AKT3: variants seen among roughly 807,000 people sequenced by gnomAD.
AKT3 encodes the protein RAC-gamma serine/threonine-protein kinase.
A neutral mutation model predicts 65.3 loss-of-function variants in AKT3; 15 were observed. That is an observed-to-expected ratio of 0.23 (90% CI 0.15 to 0.35). AKT3 has a LOEUF of 0.35. AKT3 is among the 10% of genes least tolerant of loss of function. The pLI is 1.00. For synonymous variants in AKT3, 206 were observed against 183.8 expected (o/e 1.12, Z -0.98); for missense variants, 243 against 576.5 (o/e 0.42, Z 5.92).
intron 12 of AKT3, among the ~76,000 whole-genome samples, chr1:243,515,820 C>A (rs1670315745): frequency 6.6e-6 from 1 of 152,090 alleles, no homozygotes; most frequent in Non-Finnish European, 1.5e-5. Context: ...AAACCCCCGT[C>A]TCTACTAAAA....
intron 2 of AKT3, among the ~76,000 whole-genome samples, chr1:243,704,565 G>C (rs1302891912): frequency 2.0e-5 from 3 of 152,132 alleles, no homozygotes; most frequent in Non-Finnish European, 4.4e-5. Flanking sequence ...TGTGGATTCA[G>C]AAAAAGGTAG....
chr1:243,558,449 G>A (rs1673556981), intron 10 of AKT3, among the ~76,000 whole-genome samples: 1 of 151,872 alleles, frequency 6.6e-6, no homozygotes. Flanking sequence ...AAAAAATCAG[G>A]AAAATTTTGG....
At chr1:243,520,056 T>C (rs1306127738) in intron 12 of AKT3, among the ~76,000 whole-genome samples, 1 of 152,234 alleles carries the variant, frequency 6.6e-6, no homozygotes, top group Non-Finnish European at 1.5e-5. Context: ...TCAAATATTG[T>C]ATTATTATAG....
rs181515777 is a variant in AKT3, at chr1:243,726,018, G to A, written c.47-30302C>T. ...TTCTCATAAAGGCCTAGTGCAGGCA[G>A]CTCTGGAATTTCATGCCTCCAACAT... On this transcript the variant is annotated intron_variant, in intron 2 of 13. Coordinates refer to ENST00000673466, the MANE Select transcript of AKT3 (RefSeq NM_005465.7). Among the ~76,000 whole-genome samples the A allele has an allele frequency of 7.2e-5, 11 of 152,018 alleles. No homozygotes were observed. In the East Asian group the frequency reaches 2.1e-3, roughly 29 times the overall value.
At chr1:243,835,503 A>C (rs755019419) in intron 2 of AKT3, among the ~76,000 whole-genome samples, 4 of 152,204 alleles carry the variant, frequency 2.6e-5, no homozygotes, top group Non-Finnish European at 5.9e-5. Context: ...CTAAAAAAGC[A>C]ATGCAAGCTA....
chr1:243,648,797 T>C (rs913023670), intron 4 of AKT3, among the ~76,000 whole-genome samples: 4 of 152,130 alleles, frequency 2.6e-5, no homozygotes, highest in African/African-American at 9.6e-5. Flanking sequence ...GTAATTTGTG[T>C]CTTCCCTCTT....
At chr1:243,565,703 G>C (rs570710393) in intron 9 of AKT3, among the ~76,000 whole-genome samples, 3 of 152,176 alleles carry the variant, frequency 2.0e-5, no homozygotes, top group South Asian at 4.2e-4. Flanking sequence ...GCCTTGGTCT[G>C]TCTCTTCTCA....
chr1:243,685,947 C>G (rs1469095007), intron 3 of AKT3, among the ~76,000 whole-genome samples: 1 of 152,158 alleles, frequency 6.6e-6, no homozygotes, highest in African/African-American at 2.4e-5. Flanking sequence ...CACAAGCATT[C>G]CTATACAACA....
At chr1:243,824,206 A>G (rs1447560478) in intron 2 of AKT3, among the ~76,000 whole-genome samples, 1 of 152,250 alleles carries the variant, frequency 6.6e-6, no homozygotes, top group Non-Finnish European at 1.5e-5. Context: ...GGCTAGCCAT[A>G]TGCAGAAAAT....
rs75650207 is a variant in AKT3, at chr1:243,603,632, G to T, written c.696+10039C>A. Among the ~76,000 whole-genome samples, 1,201 of 152,192 alleles carry T rather than the reference G, an allele frequency of 7.9e-3. 16 individuals carry two copies. The highest frequency in any genetic ancestry group is 0.027 in the African/African-American group (1,128 of 41,514). On this transcript the variant is annotated intron_variant, in intron 8 of 13. Coordinates refer to ENST00000673466, the MANE Select transcript of AKT3 (RefSeq NM_005465.7). The stretch of plus-strand genomic sequence containing the variant: ...CCTGGGTTTTAACACTGCTCATGAT[G>T]CCTATTTGTATCTCTGATTTAACTC...
chr1:243,832,918 C>CA (rs774195129), intron 2 of AKT3, among the ~76,000 whole-genome samples: 2 of 151,972 alleles, frequency 1.3e-5, no homozygotes, highest in Non-Finnish European at 2.9e-5. Flanking sequence ...TGTTATGGAC[C>CA]AAAACATCAT....
chr1:243,587,979 G>A (rs1675927925), intron 8 of AKT3, among the ~76,000 whole-genome samples: 1 of 152,146 alleles, frequency 6.6e-6, no homozygotes, highest in African/African-American at 2.4e-5. Context: ...AAGAGGAAGT[G>A]CATGACGATG....
intron 3 of AKT3, among the ~76,000 whole-genome samples, chr1:243,685,010 T>C (rs1684185922): frequency 6.6e-6 from 1 of 152,218 alleles, no homozygotes; most frequent in Non-Finnish European, 1.5e-5. Flanking sequence ...GGTACTTTTT[T>C]CCTGTAGATT....
intron 12 of AKT3, among the ~76,000 whole-genome samples, chr1:243,543,301 C>T (rs756963499): frequency 1.3e-5 from 2 of 152,166 alleles, no homozygotes; most frequent in Non-Finnish European, 2.9e-5. Context: ...AACTCTTATT[C>T]AACATGAATA....
At chr1:243,671,525 G>A (rs1337010479) in intron 3 of AKT3, among the ~76,000 whole-genome samples, 2 of 152,078 alleles carry the variant, frequency 1.3e-5, no homozygotes, top group African/African-American at 4.8e-5. Context: ...TCTATCTTTT[G>A]TTTAATGTTT....
chr1:243,806,740 TTTAAA>T (rs1431517490), intron 2 of AKT3, among the ~76,000 whole-genome samples: 1 of 152,146 alleles, frequency 6.6e-6, no homozygotes, highest in East Asian at 1.9e-4. Context: ...AACTTATTGT[TTTAAA>T]TTAAATCAGT....
In AKT3 at chr1:243,619,501, C is replaced by T. The variant is rs1678585159; in HGVS notation, c.562-4340G>A. On this transcript the variant is annotated intron_variant, in intron 6 of 13. Coordinates refer to ENST00000673466, the MANE Select transcript of AKT3 (RefSeq NM_005465.7). ...CTATTAATCAACTCCATCTCCCCATCCCCCTACCATTCCCAGCCTCTAGGA... is the reference window on the plus strand; with the variant it reads ...CTATTAATCAACTCCATCTCCCCATTCCCCTACCATTCCCAGCCTCTAGGA... Among the ~76,000 whole-genome samples, 2 of 41,240 alleles carry T rather than the reference C, an allele frequency of 4.8e-5. 1 individual carries two copies. The highest frequency in any genetic ancestry group is 2.8e-4 in the Non-Finnish European group (2 of 7,242). The allele number at this position is 41,240 out of a possible 152,430, so 27.1% of individuals were successfully genotyped here.
At chr1:243,782,801 C>T (rs544950640) in intron 2 of AKT3, among the ~76,000 whole-genome samples, 3 of 152,252 alleles carry the variant, frequency 2.0e-5, no homozygotes, top group African/African-American at 7.2e-5. Context: ...CACATACACA[C>T]CCCATTCTGG....
intron 4 of AKT3, among the ~76,000 whole-genome samples, chr1:243,649,773 A>G (rs966982365): frequency 5.9e-5 from 9 of 152,246 alleles, no homozygotes; most frequent in South Asian, 2.1e-4. Flanking sequence ...ATAGTATTCC[A>G]TGGTGTATAT....
Sources: allele counts gnomAD v4.1 joint callset (sites outside exome capture counted in the v4.1 genomes callset), GRCh38; gene constraint gnomAD v4.1.1; transcripts MANE v1.5; gene names NCBI Gene and HGNC (gene_info 2026-07-23, HGNC 2026-07-21).